The following CAPN15 variants were observed in gnomAD, a reference collection of about 807,000 sequenced individuals.
CAPN15 encodes calpain 15, also known as calpain-15.
Under a neutral mutation model 97.9 loss-of-function variants are expected in CAPN15, and 53 were observed. The observed-to-expected ratio is 0.54, with a 90% CI of 0.43 to 0.68. CAPN15 has a LOEUF of 0.68. Among genes scored for constraint, CAPN15 ranks in the 30% least tolerant of loss-of-function variants. The probability of loss-of-function intolerance (pLI) is 0.00; values close to 1 mark genes in which losing one functional copy is unlikely to be tolerated. For missense variants in CAPN15, 1,592 were observed against 1,589.8 expected, an observed-to-expected ratio of 1.00 and a Z score of -0.02; for synonymous variants, 922 against 722.5, an observed-to-expected ratio of 1.28 and a Z score of -4.43.
intron 7 of CAPN15, among the ~76,000 whole-genome samples, chr16:550,379 C>G (rs2034904523): frequency 1.3e-5 from 2 of 152,242 alleles, no homozygotes; most frequent in African/African-American, 4.8e-5. Context: ...GGGACCCAGG[C>G]CTGCCACCCC....
chr16:554,311 GC>G lies in CAPN15; in HGVS notation c.*798del. On this transcript the variant is annotated 3_prime_UTR_variant, in exon 14 of 14. Transcript: ENST00000219611. ...CAGCCGCTCCCACCTCCCCACAGAA[GC>G]CCAGGAGTGTGTGGACGTCTGAGCC... is the stretch of plus-strand genomic sequence containing the variant. The G allele has an allele frequency of 2.8e-6, 1 of 359,774 alleles. No homozygotes were observed. The highest frequency in any genetic ancestry group is 2.1e-5 in the South Asian group (1 of 47,954). 22.3% of individuals were successfully genotyped at this position (359,774 alleles called of 1,614,324 possible). A position where few individuals can be genotyped will look rare whatever the true frequency, so the allele number is the denominator to read the frequency against.
intron 2 of CAPN15, among the ~76,000 whole-genome samples, chr16:534,322 G>A (rs2033541309): frequency 1.3e-5 from 2 of 152,262 alleles, no homozygotes; most frequent in Admixed American, 1.3e-4. Context: ...CTGGGGCTGG[G>A]GCTGGTGAGG....
At chr16:533,216 A>C (rs1165710552) in intron 1 of CAPN15, among the ~76,000 whole-genome samples, 1 of 152,168 alleles carries the variant, frequency 6.6e-6, no homozygotes, top group Non-Finnish European at 1.5e-5. Context: ...GCGAGGCTCT[A>C]TCTCAAAAAA....
chr16:551,690 A>G (rs2035090475), intron 9 of CAPN15, 26 bp downstream of exon 9: 3 of 1,576,306 alleles, frequency 1.9e-6, no homozygotes, highest in African/African-American at 1.3e-5. Flanking sequence ...GGCGGTGTGC[A>G]CGCCGCCCCC....
rs1165469777 is a variant in CAPN15 at position 552,809 on chromosome 16, G to A, written c.2904+38G>A. 7.1e-6 allele frequency: 11 copies of A among 1,541,428 alleles called. No individual in the cohort carries two copies. Among genetic ancestry groups the A allele is most frequent in the Middle Eastern group, 2.0e-4 (1 of 4,938 alleles). On this transcript the variant is annotated intron_variant, in intron 12 of 13. Transcript: ENST00000219611. The surrounding 1 kb of genome is among the most constrained non-coding windows in gnomAD (Gnocchi z 6.4). ...CCCGGGGGAGGGTGGCGTGGGGCAG[G>A]GGGAGTATGCCCCAGCACCTCCCCT...
At chr16:548,308 C>T in intron 4 of CAPN15, 21 bp downstream of exon 4, 1 of 1,450,708 alleles carries the variant, frequency 6.9e-7, no homozygotes, top group East Asian at 2.7e-5. Flanking sequence ...CCCTCGCCCT[C>T]TTCCTGCTCC....
Position 547,032 on chromosome 16 carries a change from A to G in CAPN15, c.194A>G (p.Glu65Gly). Residue 65 changes from glutamate to glycine, a missense_variant, in exon 4 of 14, where the codon GAG (glutamate) becomes GGG (glycine). By Grantham distance (98) the Glu-to-Gly change is moderately conservative (BLOSUM62 -2). Transcript: ENST00000219611. ...FRNFLGKEAC[E>G]VCGFTPEPAP... ...AACTTCCTGGGCAAGGAGGCCTGCGAGGTGTGCGGCTTCACCCCGGAGCCT... is the reference window on the plus strand; with the variant it reads ...AACTTCCTGGGCAAGGAGGCCTGCGGGGTGTGCGGCTTCACCCCGGAGCCT... 1.2e-6 allele frequency: 2 copies of G among 1,609,422 alleles called. No individual in the cohort carries two copies.
chr16:539,473 C>T (rs897663056), intron 3 of CAPN15: 1 of 152,300 alleles, frequency 6.6e-6, no homozygotes, highest in Non-Finnish European at 1.5e-5. Flanking sequence ...CACAGGTGGG[C>T]CGCGTGTCAG....
Position 535,762 on chromosome 16 carries a change from C to T in CAPN15, c.-136-267C>T, listed in dbSNP as rs2033660267. Among the ~76,000 whole-genome samples the T allele has an allele frequency of 6.6e-6, 1 of 152,156 alleles. No individual in the cohort carries two copies. Among genetic ancestry groups the T allele is most frequent in the African/African-American group, 2.4e-5 (1 of 41,432 alleles). On this transcript the variant is annotated intron_variant, in intron 2 of 13. Coordinates refer to ENST00000219611, the MANE Select transcript of CAPN15 (RefSeq NM_005632.3). This position sits in a 1 kb window ranked among gnomAD's most constrained non-coding sequence, Gnocchi z 6.2. ...GAGAGTCAGCCCTGTGGTCACGGCT[C>T]CTGCTGGTTCCCATTCGCGAGCACC...
Position 552,630 on chromosome 16 carries a change from G to C in CAPN15, c.2763G>C (p.Pro921=), listed in dbSNP as rs373284396. 2 of 1,537,220 alleles carry C rather than the reference G, an allele frequency of 1.3e-6. No individual in the cohort carries two copies. The highest frequency in any genetic ancestry group is 1.7e-6 in the Non-Finnish European group (2 of 1,143,204). The change falls in exon 12 of 14, where the codon CCG becomes CCC. Residue 921 remains proline (P), a synonymous_variant. Transcript: ENST00000219611. This position sits in a 1 kb window ranked among gnomAD's most constrained non-coding sequence, Gnocchi z 6.4. The part of the protein sequence containing the change: ...PQASSPSAGV[P]RASPEPPGHV... ...CCTCCAGCCCCTCGGCAGGGGTCCC[G>C]AGAGCCTCCCCAGAGCCGCCGGGCC...
At position 546,861 on chromosome 16, in the gene CAPN15, C is replaced by T; in HGVS notation, c.23C>T (p.Ser8Phe). Residue 8 changes from serine (S) to phenylalanine (F), a missense_variant, in exon 4 of 14, where the codon TCC (serine) becomes TTC (phenylalanine). This residue lies in a region of CAPN15 where 883 missense variants were observed against 776.6 expected (regional missense o/e 1.14). Transcript: ENST00000219611. Reference sequence around the variant, plus strand: ...TCTATGGCCACGGTCGGAGAGTGGTCCTGTGTGCGCTGCACCTTCCTGAAC... The same window carrying T: ...TCTATGGCCACGGTCGGAGAGTGGTTCTGTGTGCGCTGCACCTTCCTGAAC... MATVGEWSCVRCTFLNPA... is the reference protein window; with the variant it reads MATVGEWFCVRCTFLNPA... 6.2e-7 allele frequency: 1 copy of T among 1,610,616 alleles called. No homozygotes were observed. Among genetic ancestry groups the T allele is most frequent in the South Asian group, 1.1e-5 (1 of 90,832 alleles).
At chr16:530,149 A>T (rs2033146758) in intron 1 of CAPN15, among the ~76,000 whole-genome samples, 1 of 152,214 alleles carries the variant, frequency 6.6e-6, no homozygotes, top group Non-Finnish European at 1.5e-5. Flanking sequence ...GCTGGAGAGA[A>T]CGCTGAGGTC....
At chr16:541,996 G>A in intron 3 of CAPN15, among the ~76,000 whole-genome samples, 1 of 144,184 alleles carries the variant, frequency 6.9e-6, no homozygotes, top group East Asian at 2.1e-4. Context: ...TGTGCAGAAG[G>A]TGCGTGGATG....
In CAPN15 at chr16:547,582, A is replaced by T; in HGVS notation, c.744A>T (p.Arg248=). 1.3e-6 allele frequency: 2 copies of T among 1,580,162 alleles called. No homozygotes were observed. Among genetic ancestry groups the T allele is most frequent in the East Asian group, 2.3e-5 (1 of 44,312 alleles). Residue 248 remains arginine (R), a synonymous_variant, in exon 4 of 14, where the codon CGA becomes CGT. Coordinates refer to ENST00000219611, the MANE Select transcript of CAPN15 (RefSeq NM_005632.3). ...TLQNNPVPRS[R]REVPPQLQPP... is the part of the protein sequence containing the mutation. ...AGAACAACCCCGTGCCGCGCAGCCG[A>T]CGCGAGGTTCCCCCCCAGCTGCAGC...
chr16:540,273 G>T (rs552127553), intron 3 of CAPN15: 2 of 985,364 alleles, frequency 2.0e-6, no homozygotes, highest in Admixed American at 1.2e-4. Flanking sequence ...CGGGTCCCCC[G>T]GCAGCGGCTG....
chr16:548,192 A>G lies in CAPN15; in HGVS notation c.1354A>G (p.Arg452Gly). The G allele has an allele frequency of 6.5e-7, 1 of 1,537,392 alleles. No individual in the cohort carries two copies. The highest frequency in any genetic ancestry group is 1.4e-5 in the African/African-American group (1 of 71,736). The change falls in exon 4 of 14, where the codon AGG becomes GGG. Residue 452 changes from arginine to glycine, a missense_variant. Transcript: ENST00000219611. ...CCAGCGGCGGGGGGCCGCGCCCCTG[A>G]GGCGCAGGGAGAGCATGCACGTGGA... is the stretch of plus-strand genomic sequence containing the variant. ...VAQRRGAAPL[R>G]RRESMHVEQR... is the part of the protein sequence containing the mutation.
At chr16:550,904 AG>A (rs2034986581) in intron 7 of CAPN15, among the ~76,000 whole-genome samples, 1 of 96,456 alleles carries the variant, frequency 1.0e-5, no homozygotes, top group Non-Finnish European at 1.9e-5. Flanking sequence ...CTGGTCGGTG[AG>A]GGTCCCGGTC....
intron 3 of CAPN15, chr16:539,009 C>T (rs1230516700): frequency 6.6e-6 from 1 of 152,208 alleles, no homozygotes. Context: ...CGCCATCCTC[C>T]CACGTCAGCC....
rs1246283840 is a variant in CAPN15, at chr16:549,623, G to A, written c.1851G>A (p.Arg617=). Residue 617 remains arginine (R), a synonymous_variant, in exon 7 of 14, where the codon CGG becomes CGA. Transcript: ENST00000219611. ...GACCCGGCCCTCTGCAGGCGCAGCG[G>A]AAGCAGCTGTGGGTGGCCCTCATCG... ...AGCLLFSQAQ[R]KQLWVALIEK... 3 of 1,545,094 alleles carry A rather than the reference G, an allele frequency of 1.9e-6. No individual in the cohort carries two copies. Among genetic ancestry groups the A allele is most frequent in the Non-Finnish European group, 2.6e-6 (3 of 1,149,858 alleles).
Sources: allele counts gnomAD v4.1 joint callset (sites outside exome capture counted in the v4.1 genomes callset), GRCh38; gene constraint gnomAD v4.1.1; regional missense constraint gnomAD v4.1.1; non-coding constraint Gnocchi (gnomAD v3.1); transcripts MANE v1.5; gene names NCBI Gene and HGNC (gene_info 2026-07-23, HGNC 2026-07-21).